PRICKLE1: variants seen among roughly 807,000 people sequenced by gnomAD.
The protein encoded by PRICKLE1 is prickle-like protein 1.
A neutral mutation model predicts 70.2 loss-of-function variants in PRICKLE1; 14 were observed. The ratio of observed to expected loss-of-function variants is 0.20; its 90% CI spans 0.13 to 0.31. The LOEUF is 0.31. PRICKLE1 is among the 10% of genes least tolerant of loss of function. The pLI is 1.00. For missense variants in PRICKLE1, 821 were observed against 1,026.2 expected (o/e 0.80, Z 2.73); for synonymous variants, 357 against 379.9 (o/e 0.94, Z 0.70).
intron 1 of PRICKLE1, among the ~76,000 whole-genome samples, chr12:42,533,406 A>T (rs1939959213): frequency 6.6e-6 from 1 of 152,206 alleles, no homozygotes; most frequent in Non-Finnish European, 1.5e-5. Context: ...CATACCAGTG[A>T]GTACTAATTT....
intron 1 of PRICKLE1, among the ~76,000 whole-genome samples, chr12:42,487,303 C>A (rs1939007393): frequency 6.6e-6 from 1 of 152,170 alleles, no homozygotes; most frequent in Non-Finnish European, 1.5e-5. Flanking sequence ...GTGGCATCCC[C>A]AGGGAAGGGC....
intron 1 of PRICKLE1, among the ~76,000 whole-genome samples, chr12:42,579,820 A>T (rs1940868345): frequency 6.6e-6 from 1 of 151,874 alleles, no homozygotes; most frequent in Non-Finnish European, 1.5e-5. Context: ...AAATCAAGTA[A>T]AGTAGGTATC....
intron 1 of PRICKLE1, among the ~76,000 whole-genome samples, chr12:42,557,295 G>A (rs986302900): frequency 3.9e-5 from 6 of 152,214 alleles, no homozygotes; most frequent in African/African-American, 1.4e-4. Context: ...TGGGGACAGT[G>A]CCTGGACGGA....
chr12:42,546,787 T>G (rs1940221912), intron 1 of PRICKLE1, among the ~76,000 whole-genome samples: 1 of 152,162 alleles, frequency 6.6e-6, no homozygotes, highest in Admixed American at 6.5e-5. Flanking sequence ...AATCTTCCAT[T>G]TAGCACTTGA....
rs564890348 is a variant in PRICKLE1, at chr12:42,491,097, A to T, written c.-48-18533T>A. On this transcript the variant is annotated intron_variant, in intron 1 of 7. Transcript: ENST00000345127. ...ACCATGTTGGCCAGGCTGGTCTCGA[A>T]CTCCTGACCTCAGGGGATCTGCCCG... Among the ~76,000 whole-genome samples the T allele has an allele frequency of 2.2e-3, 331 of 148,194 alleles. 1 individual carries two copies. Among genetic ancestry groups the T allele is most frequent in the Non-Finnish European group, 3.7e-3 (249 of 67,136 alleles).
In PRICKLE1 at chr12:42,505,031, T is replaced by A. The variant is rs574391393; in HGVS notation, c.-48-32467A>T. Reference sequence around the variant, plus strand: ...GGCGGGCACCTGTAGACCCAGCTACTCGGAGGCTGAGGCAGGAGAATCACT... The same window carrying A: ...GGCGGGCACCTGTAGACCCAGCTACACGGAGGCTGAGGCAGGAGAATCACT... On this transcript the variant is annotated intron_variant, in intron 1 of 7. Transcript: ENST00000345127. Among the ~76,000 whole-genome samples the A allele has an allele frequency of 1.6e-4, 24 of 152,202 alleles. No homozygotes were observed. The East Asian group carries it at 3.7e-3, about 23-fold the overall frequency.
At chr12:42,582,794 T>C (rs970994577) in intron 1 of PRICKLE1, among the ~76,000 whole-genome samples, 1 of 152,132 alleles carries the variant, frequency 6.6e-6, no homozygotes, top group Non-Finnish European at 1.5e-5. Context: ...TAAAACATTA[T>C]GAGATTTGTG....
Position 42,464,559 on chromosome 12 carries a change from G to A in PRICKLE1, c.1475C>T (p.Ala492Val). The change falls in exon 7 of 8, where the codon GCA becomes GTA. Residue 492 changes from alanine to valine, a missense_variant. Ala to Val is a moderately conservative substitution (Grantham distance 64, BLOSUM62 0). Coordinates refer to ENST00000345127, the MANE Select transcript of PRICKLE1 (RefSeq NM_153026.3). This position sits in a 1 kb window ranked among gnomAD's most constrained non-coding sequence, Gnocchi z 4.2. ...DSAYGSHPGP[A>V]SSRRLQELEL... ...CAATTCCTGAAGCCTTCTACTGCTT[G>A]CAGGGCCTGGGTGGCTGCCATAAGC... 1 of 1,613,872 alleles carries A rather than the reference G, an allele frequency of 6.2e-7. No homozygotes were observed. The highest frequency in any genetic ancestry group is 8.5e-7 in the Non-Finnish European group (1 of 1,179,990).
chr12:42,472,488 C>T lies in PRICKLE1; in HGVS notation c.29G>A (p.Ser10Asn), dbSNP rs1309411802. 6.2e-7 allele frequency: 1 copy of T among 1,614,206 alleles called. No individual in the cohort carries two copies. Among genetic ancestry groups the T allele is most frequent in the Non-Finnish European group, 8.5e-7 (1 of 1,180,030 alleles). The change falls in exon 2 of 8, where the codon AGC becomes AAC. Residue 10 changes from serine (S) to asparagine (N), a missense_variant. Ser to Asn is a conservative substitution (Grantham distance 46). Coordinates refer to ENST00000345127, the MANE Select transcript of PRICKLE1 (RefSeq NM_153026.3). MPLEMEPKM[S>N]KLAFGCQRSS... is the part of the protein sequence containing the mutation. ...TCTCTGACAGCCAAAGGCCAGTTTG[C>T]TCATCTTGGGCTCCATCTCCAAAGG... is the stretch of plus-strand genomic sequence containing the variant.
chr12:42,576,256 C>T (rs571278677), intron 1 of PRICKLE1, among the ~76,000 whole-genome samples: 1 of 152,294 alleles, frequency 6.6e-6, no homozygotes, highest in Admixed American at 6.5e-5. Context: ...TGCAAAACAG[C>T]CCCCATCACT....
At chr12:42,480,103 T>A (rs1038282227) in intron 1 of PRICKLE1, among the ~76,000 whole-genome samples, 3 of 152,248 alleles carry the variant, frequency 2.0e-5, no homozygotes, top group Admixed American at 6.5e-5. Flanking sequence ...AGAAACAGAA[T>A]GGCCCCTGAC....
chr12:42,499,534 C>T (rs1939268997), intron 1 of PRICKLE1, among the ~76,000 whole-genome samples: 1 of 151,682 alleles, frequency 6.6e-6, no homozygotes, highest in East Asian at 1.9e-4. Flanking sequence ...AATTCTCCTA[C>T]CTCAGCCTCC....
chr12:42,576,550 T>G (rs758034492), intron 1 of PRICKLE1, among the ~76,000 whole-genome samples: 95 of 152,242 alleles, frequency 6.2e-4, no homozygotes, highest in Non-Finnish European at 1.0e-3. Context: ...CTGATAGCGT[T>G]TGATCTTTGA....
chr12:42,476,402 G>T (rs560995784), intron 1 of PRICKLE1, among the ~76,000 whole-genome samples: 2 of 151,254 alleles, frequency 1.3e-5, no homozygotes, highest in African/African-American at 4.9e-5. Context: ...GGCTGGTCTT[G>T]AACTCCTGAC....
rs1243652315 is a variant in PRICKLE1 at position 42,459,433 on chromosome 12, A to G, written c.*376T>C. 3 of 694,456 alleles carry G rather than the reference A, an allele frequency of 4.3e-6. No homozygotes were observed. In the African/African-American group the frequency reaches 5.3e-5, roughly 12 times the overall value. The allele number at this position is 694,456 out of a possible 1,614,324, so 43.0% of individuals were successfully genotyped here. On this transcript the variant is annotated 3_prime_UTR_variant, in exon 8 of 8. Coordinates refer to ENST00000345127, the MANE Select transcript of PRICKLE1 (RefSeq NM_153026.3). ...AGACCTGAGCCGACCTGACTTACATAAATGACAAACACTAGTGCTTTACAA... is the reference window on the plus strand; with the variant it reads ...AGACCTGAGCCGACCTGACTTACATGAATGACAAACACTAGTGCTTTACAA...
At chr12:42,494,593 A>T (rs1406397576) in intron 1 of PRICKLE1, among the ~76,000 whole-genome samples, 2 of 151,864 alleles carry the variant, frequency 1.3e-5, no homozygotes, top group African/African-American at 4.8e-5. Flanking sequence ...GATCACTTGA[A>T]GTCAGGAGTT....
chr12:42,501,265 G>A (rs1433553221), intron 1 of PRICKLE1, among the ~76,000 whole-genome samples: 1 of 152,094 alleles, frequency 6.6e-6, no homozygotes, highest in Admixed American at 6.5e-5. Context: ...AGCACTTTGG[G>A]AGGATGAGGC....
intron 1 of PRICKLE1, among the ~76,000 whole-genome samples, chr12:42,541,363 C>T (rs1940111995): frequency 6.6e-6 from 1 of 150,800 alleles, no homozygotes. Flanking sequence ...TTTTTTGAGA[C>T]AGGGTCTTGC....
chr12:42,586,213 T>A (rs1056466141), intron 1 of PRICKLE1, among the ~76,000 whole-genome samples: 5 of 152,168 alleles, frequency 3.3e-5, no homozygotes, highest in African/African-American at 1.2e-4. Flanking sequence ...CATACATAGA[T>A]TTAGGCAATC....
Sources: allele counts gnomAD v4.1 joint callset (sites outside exome capture counted in the v4.1 genomes callset), GRCh38; gene constraint gnomAD v4.1.1; non-coding constraint Gnocchi (gnomAD v3.1); transcripts MANE v1.5; gene names NCBI Gene and HGNC (gene_info 2026-07-23, HGNC 2026-07-21).